NFKB1: variants seen among roughly 807,000 people sequenced by gnomAD.
The protein encoded by NFKB1 is nuclear factor NF-kappa-B p105 subunit.
NFKB1 carries 9 observed loss-of-function variants against 105.1 expected under a neutral mutation model. The ratio of observed to expected loss-of-function variants is 0.09; its 90% CI spans 0.05 to 0.15. The LOEUF is 0.15. Ranked by LOEUF, NFKB1 falls within the 10% of genes least tolerant of loss-of-function variation. The probability of loss-of-function intolerance (pLI) is 1.00; values close to 1 mark genes in which losing one functional copy is unlikely to be tolerated. For synonymous variants in NFKB1, 440 were observed against 442.2 expected, an observed-to-expected ratio of 1.00 and a Z score of 0.06; for missense variants, 830 against 1,203.7, an observed-to-expected ratio of 0.69 and a Z score of 4.59.
At chr4:102,557,644 G>T (rs960559642) in intron 5 of NFKB1, among the ~76,000 whole-genome samples, 1 of 152,126 alleles carries the variant, frequency 6.6e-6, no homozygotes, top group African/African-American at 2.4e-5. Flanking sequence ...GATCCCTGAG[G>T]GAAACAACAA....
chr4:102,519,035 T>TA (rs1335099744), intron 1 of NFKB1, among the ~76,000 whole-genome samples: 3 of 151,630 alleles, frequency 2.0e-5, no homozygotes, highest in Non-Finnish European at 2.9e-5. Context: ...GAGTGGCATA[T>TA]AAAAAAAAGT....
chr4:102,502,336 G>C (rs10013613), intron 1 of NFKB1, among the ~76,000 whole-genome samples: 1 of 143,240 alleles, frequency 7.0e-6, no homozygotes, highest in African/African-American at 2.7e-5. Flanking sequence ...AACCTGGCTC[G>C]CTCTCTGTCT....
intron 11 of NFKB1, among the ~76,000 whole-genome samples, chr4:102,592,112 AT>A (rs1315647425): frequency 6.6e-6 from 1 of 152,238 alleles, no homozygotes; most frequent in Non-Finnish European, 1.5e-5. Context: ...GCTGCTCATG[AT>A]TTAACTTTCA....
chr4:102,553,639 CTTTG>C (rs1722782283), intron 5 of NFKB1, among the ~76,000 whole-genome samples: 1 of 152,016 alleles, frequency 6.6e-6, no homozygotes, highest in Admixed American at 6.6e-5. Flanking sequence ...CTCAGTGTAT[CTTTG>C]TTTGCGTGTC....
chr4:102,565,023 A>G (rs1000446958), intron 5 of NFKB1, among the ~76,000 whole-genome samples: 4 of 152,230 alleles, frequency 2.6e-5, no homozygotes, highest in African/African-American at 9.6e-5. Flanking sequence ...ATCTAGGGAC[A>G]GCAGTCAGCT....
intron 5 of NFKB1, among the ~76,000 whole-genome samples, chr4:102,553,476 G>T (rs1722766468): frequency 6.6e-6 from 1 of 152,064 alleles, no homozygotes; most frequent in South Asian, 2.1e-4. Flanking sequence ...AAGAATGTTA[G>T]AAATTTACAT....
intron 6 of NFKB1, among the ~76,000 whole-genome samples, chr4:102,575,004 G>T (rs962356742): frequency 3.3e-5 from 5 of 152,292 alleles, no homozygotes; most frequent in Non-Finnish European, 2.9e-5. Context: ...TGCAGTTAGG[G>T]AAGTTCTATA....
intron 18 of NFKB1, 56 bp from the exon 19 acceptor site, chr4:102,607,593 G>T (rs1727907870): frequency 1.7e-5 from 26 of 1,559,642 alleles, no homozygotes; most frequent in Non-Finnish European, 2.2e-5. Flanking sequence ...GGGAGGTGGG[G>T]ACAAAAGGGC....
chr4:102,596,854 G>A (rs979912652), intron 14 of NFKB1, among the ~76,000 whole-genome samples: 3 of 151,740 alleles, frequency 2.0e-5, no homozygotes, highest in Admixed American at 1.3e-4. Flanking sequence ...GTACTAAGAA[G>A]ACGTCTATAA....
intron 5 of NFKB1, among the ~76,000 whole-genome samples, chr4:102,540,038 T>C (rs1741898529): frequency 6.6e-6 from 1 of 152,152 alleles, no homozygotes; most frequent in Non-Finnish European, 1.5e-5. Flanking sequence ...TATTGTGCCT[T>C]TATGTATGTG....
chr4:102,509,754 C>T (rs1049355535), intron 1 of NFKB1, among the ~76,000 whole-genome samples: 3 of 152,180 alleles, frequency 2.0e-5, no homozygotes, highest in African/African-American at 7.2e-5. Context: ...CTTCTTCAGT[C>T]AGTCACCAAG....
At chr4:102,522,956 T>C (rs1267191335) in intron 1 of NFKB1, among the ~76,000 whole-genome samples, 2 of 152,190 alleles carry the variant, frequency 1.3e-5, no homozygotes, top group Non-Finnish European at 2.9e-5. Flanking sequence ...AGATATATAC[T>C]CATAAATACG....
chr4:102,540,088 G>A (rs1459871487), intron 5 of NFKB1, among the ~76,000 whole-genome samples: 1 of 152,130 alleles, frequency 6.6e-6, no homozygotes, highest in Non-Finnish European at 1.5e-5. Context: ...CATGTTATCA[G>A]CATTGACACT....
Position 102,590,748 on chromosome 4 carries a change from T to C in NFKB1, c.1067-2677T>C, listed in dbSNP as rs112763253. Among the ~76,000 whole-genome samples, 1,188 of 152,314 alleles carry C rather than the reference T, an allele frequency of 7.8e-3. 20 individuals carry two copies. The highest frequency in any genetic ancestry group is 0.028 in the African/African-American group (1,146 of 41,562). ...CACAACCATATGGAAATTAGGCCAA[T>C]TAATAACCTTACAGTGGCCTCCAAG... On this transcript the variant is annotated intron_variant, in intron 11 of 23. Coordinates refer to ENST00000226574, the MANE Select transcript of NFKB1 (RefSeq NM_003998.4).
At chr4:102,540,630 A>G (rs11724677) in intron 5 of NFKB1, among the ~76,000 whole-genome samples, 3 of 152,192 alleles carry the variant, frequency 2.0e-5, no homozygotes, top group Non-Finnish European at 4.4e-5. Context: ...ATATGACTAT[A>G]CAAGCTGTCA....
intron 6 of NFKB1, among the ~76,000 whole-genome samples, chr4:102,569,401 T>C (rs533048197): frequency 6.6e-6 from 1 of 152,094 alleles, no homozygotes; most frequent in Non-Finnish European, 1.5e-5. Flanking sequence ...TTACGTAATA[T>C]TATGAAATAA....
intron 5 of NFKB1, among the ~76,000 whole-genome samples, chr4:102,545,133 C>T (rs1277501653): frequency 6.6e-6 from 1 of 152,130 alleles, no homozygotes; most frequent in Admixed American, 6.5e-5. Context: ...CTAAGATCCC[C>T]ACATGTGTTC....
chr4:102,549,845 G>C (rs1722435472), intron 5 of NFKB1, among the ~76,000 whole-genome samples: 1 of 151,926 alleles, frequency 6.6e-6, no homozygotes, highest in Admixed American at 6.6e-5. Context: ...AGTCTTATTG[G>C]CTGTGCCTTC....
chr4:102,538,008 C>A, intron 5 of NFKB1, 52 bp downstream of exon 5: 1 of 1,154,574 alleles, frequency 8.7e-7, no homozygotes, highest in Non-Finnish European at 1.3e-6. Context: ...TTTTGATTTC[C>A]TACGATTTCC....
Sources: gnomAD v4.1 joint callset for allele counts (sites outside exome capture counted in the v4.1 genomes callset) on GRCh38, gnomAD v4.1.1 for gene constraint, MANE v1.5 for transcripts, NCBI Gene and HGNC (gene_info 2026-07-23, HGNC 2026-07-21) for gene names.